The following IL1RAPL1 variants were observed in gnomAD, a reference collection of about 807,000 sequenced individuals.
IL1RAPL1 encodes interleukin-1 receptor accessory protein-like 1.
A neutral mutation model predicts 48.4 loss-of-function variants in IL1RAPL1; 3 were observed. The observed-to-expected ratio is 0.06, with a 90% CI of 0.03 to 0.16. The LOEUF (loss-of-function observed/expected upper bound fraction) is 0.16, where lower values mean the gene tolerates loss of function less well. Among genes scored for constraint, IL1RAPL1 ranks in the 10% least tolerant of loss-of-function variants. IL1RAPL1 has a pLI of 1.00. For missense variants in IL1RAPL1, 349 were observed against 530.6 expected (o/e 0.66, Z 3.36); for synonymous variants, 185 against 187.7 (o/e 0.99, Z 0.12).
intron 6 of IL1RAPL1, among the ~76,000 whole-genome samples, chrX:29,762,641 T>G (rs1030705244): frequency 8.9e-6 from 1 of 112,100 alleles, no homozygotes; most frequent in Non-Finnish European, 1.9e-5. Context: ...TTTGTTATAT[T>G]GTCATATGGT....
At chrX:28,920,784 A>G (rs1172399708) in intron 2 of IL1RAPL1, among the ~76,000 whole-genome samples, 1 of 111,914 alleles carries the variant, frequency 8.9e-6, no homozygotes, top group Non-Finnish European at 1.9e-5. Flanking sequence ...CTGCCCGTTA[A>G]TTGAAGACAA....
chrX:28,925,307 A>G (rs1923713315), intron 2 of IL1RAPL1, among the ~76,000 whole-genome samples: 1 of 111,993 alleles, frequency 8.9e-6, no homozygotes, highest in African/African-American at 3.2e-5. Context: ...CATAAAATTA[A>G]GTATGTATTT....
intron 2 of IL1RAPL1, among the ~76,000 whole-genome samples, chrX:29,178,541 A>G (rs764572360): frequency 9.0e-6 from 1 of 111,573 alleles, no homozygotes; most frequent in East Asian, 2.8e-4. Flanking sequence ...CCCATTCTGT[A>G]TGTTGCCTGT....
intron 5 of IL1RAPL1, among the ~76,000 whole-genome samples, chrX:29,465,700 A>G (rs917294696): frequency 1.8e-5 from 2 of 111,021 alleles, no homozygotes; most frequent in Admixed American, 9.6e-5. Context: ...AGAACAACTG[A>G]TATGTATTTC....
intron 5 of IL1RAPL1, among the ~76,000 whole-genome samples, chrX:29,412,538 A>C (rs754654879): frequency 1.8e-5 from 2 of 112,828 alleles, no homozygotes; most frequent in South Asian, 7.2e-4. Context: ...TTGAAGTGAT[A>C]ATATTTAGTT....
intron 6 of IL1RAPL1, among the ~76,000 whole-genome samples, chrX:29,809,955 A>G (rs1378386960): frequency 9.1e-6 from 1 of 110,211 alleles, no homozygotes; most frequent in Non-Finnish European, 1.9e-5. Context: ...TAATACTTTG[A>G]TGGTTATTTA....
chrX:29,211,541 G>A (rs899403104), intron 2 of IL1RAPL1, among the ~76,000 whole-genome samples: 2 of 111,385 alleles, frequency 1.8e-5, no homozygotes, highest in Admixed American at 9.6e-5. Flanking sequence ...TTTTAAATTC[G>A]CTGCCACCAT....
rs1237356817 is a variant in IL1RAPL1 at position 29,909,733 on chromosome X, T to TAA, written c.779-7731_779-7730insAA. 9.3e-3 allele frequency among the ~76,000 whole-genome samples: 1,040 copies of TAA among 111,580 alleles called. 8 individuals are homozygous for TAA. Among genetic ancestry groups the TAA allele is most frequent in the African/African-American group, 0.032 (979 of 30,713 alleles). ...CATACTGCCCAAAACAGTTTAAAGTTTCAGTGCTATGATTAAAAAGTCAAA... is the reference window on the plus strand; with the variant it reads ...CATACTGCCCAAAACAGTTTAAAGTTAATCAGTGCTATGATTAAAAAGTCAAA... On this transcript the variant is annotated intron_variant, in intron 6 of 10. Transcript: ENST00000378993.
chrX:29,451,444 C>G (rs939591676), intron 5 of IL1RAPL1, among the ~76,000 whole-genome samples: 3 of 111,320 alleles, frequency 2.7e-5, no homozygotes, highest in Non-Finnish European at 5.6e-5. Flanking sequence ...ATCTGCGTGA[C>G]TTGGCCTCCC....
At chrX:29,349,386 A>T (rs1026833861) in intron 3 of IL1RAPL1, among the ~76,000 whole-genome samples, 3 of 111,958 alleles carry the variant, frequency 2.7e-5, no homozygotes, top group African/African-American at 9.7e-5. Context: ...TAATATCTTT[A>T]AGTTTATGAG....
intron 6 of IL1RAPL1, among the ~76,000 whole-genome samples, chrX:29,846,072 C>T (rs112188741): frequency 0.042 from 4,650 of 111,065 alleles, 239 homozygotes; most frequent in African/African-American, 0.14. Flanking sequence ...TGGGCAGGGA[C>T]GCACATCCAA....
rs138312558 is a variant in IL1RAPL1, at chrX:29,921,670, A to G, written c.1057+1576A>G. Among the ~76,000 whole-genome samples, 703 of 112,389 alleles carry G rather than the reference A, an allele frequency of 6.3e-3. 28 individuals are homozygous for G. The East Asian group carries it at 0.1, about 16-fold the overall frequency. On this transcript the variant is annotated intron_variant, in intron 8 of 10. Coordinates refer to ENST00000378993, the MANE Select transcript of IL1RAPL1 (RefSeq NM_014271.4). ...ATTGAACTTCTTATCCTGCCATAAC[A>G]TCTTCTGAAGTGATCTATCAGCTTA...
intron 2 of IL1RAPL1, among the ~76,000 whole-genome samples, chrX:28,877,730 G>A (rs1922409403): frequency 9.0e-6 from 1 of 111,668 alleles, no homozygotes; most frequent in East Asian, 2.8e-4. Flanking sequence ...TGTGAAGCCA[G>A]TAATTACAGG....
rs539015861 is a variant in IL1RAPL1 at position 29,182,981 on chromosome X, A to T, written c.83-99957A>T. ...GAATATAGGCAGCCTTTAGAAGCTG[A>T]AAAAGGCAAACAGAAGGGATTCTTC... On this transcript the variant is annotated intron_variant, in intron 2 of 10. Transcript: ENST00000378993. Among the ~76,000 whole-genome samples the T allele has an allele frequency of 2.2e-4, 24 of 111,368 alleles. No homozygotes were observed. The East Asian group carries it at 6.8e-3, about 32-fold the overall frequency.
At chrX:28,955,363 C>T (rs753518777) in intron 2 of IL1RAPL1, among the ~76,000 whole-genome samples, 83 of 110,971 alleles carry the variant, frequency 7.5e-4, no homozygotes, top group African/African-American at 2.6e-3. Flanking sequence ...ACTTTTGGCT[C>T]TTTAAAAGCA....
chrX:29,092,450 C>A, intron 2 of IL1RAPL1, among the ~76,000 whole-genome samples: 1 of 111,641 alleles, frequency 9.0e-6, no homozygotes, highest in East Asian at 2.8e-4. Flanking sequence ...CTATGTCTGC[C>A]ATGTCTGATT....
At chrX:28,865,045 A>G (rs904802841) in intron 2 of IL1RAPL1, among the ~76,000 whole-genome samples, 2 of 111,690 alleles carry the variant, frequency 1.8e-5, no homozygotes, top group Non-Finnish European at 3.8e-5. Flanking sequence ...AGAGTGTTGG[A>G]AAAAGAGCTG....
chrX:28,972,968 A>G (rs1199632546), intron 2 of IL1RAPL1, among the ~76,000 whole-genome samples: 3 of 111,193 alleles, frequency 2.7e-5, no homozygotes, highest in African/African-American at 9.8e-5. Flanking sequence ...CCTGTTGGTC[A>G]TGCCCTTCCT....
At chrX:29,062,431 TAA>T (rs1371951928) in intron 2 of IL1RAPL1, among the ~76,000 whole-genome samples, 1 of 112,385 alleles carries the variant, frequency 8.9e-6, no homozygotes, top group African/African-American at 3.2e-5. Context: ...AAATAAGCAC[TAA>T]AGTTTCACAC....
Sources: allele counts gnomAD v4.1 joint callset (sites outside exome capture counted in the v4.1 genomes callset), GRCh38; gene constraint gnomAD v4.1.1; transcripts MANE v1.5; gene names NCBI Gene and HGNC (gene_info 2026-07-23, HGNC 2026-07-21).